KLF7: variants seen among roughly 807,000 people sequenced by gnomAD.
KLF7 encodes KLF transcription factor 7.
In KLF7, 2 loss-of-function variants were observed where a neutral mutation model predicts 27.3. The observed-to-expected ratio is 0.07, with a 90% CI of 0.03 to 0.23. The LOEUF is 0.23. KLF7 is among the 10% of genes least tolerant of loss of function. The pLI is 1.00. For synonymous variants in KLF7, 165 were observed against 162.4 expected, an observed-to-expected ratio of 1.02 and a Z score of -0.12; for missense variants, 221 against 394.1, an observed-to-expected ratio of 0.56 and a Z score of 3.72.
chr2:207,111,615 C>T (rs1380054374), intron 2 of KLF7, among the ~76,000 whole-genome samples: 2 of 152,180 alleles, frequency 1.3e-5, no homozygotes, highest in Admixed American at 6.5e-5. Context: ...GTTTTCAGGA[C>T]TGAGGAGAAC....
intron 2 of KLF7, among the ~76,000 whole-genome samples, chr2:207,113,734 T>C (rs2077102959): frequency 6.6e-6 from 1 of 151,978 alleles, no homozygotes; most frequent in Non-Finnish European, 1.5e-5. Context: ...TTAATGCTGA[T>C]GTGGTTTCCT....
At chr2:207,093,840 G>T (rs2076566710) in intron 2 of KLF7, among the ~76,000 whole-genome samples, 3 of 152,320 alleles carry the variant, frequency 2.0e-5, no homozygotes, top group African/African-American at 7.2e-5. Flanking sequence ...TTTACGAGGG[G>T]AAATGTTTGC....
chr2:207,108,005 A>G (rs1219204603), intron 2 of KLF7, among the ~76,000 whole-genome samples: 17 of 152,360 alleles, frequency 1.1e-4, no homozygotes. Flanking sequence ...AGATTTTTAA[A>G]AAAATGCTTA....
chr2:207,091,334 G>A (rs1316366810), intron 2 of KLF7, among the ~76,000 whole-genome samples: 1 of 152,274 alleles, frequency 6.6e-6, no homozygotes, highest in African/African-American at 2.4e-5. Context: ...TCCAACCCAG[G>A]AGCTATTTCA....
At chr2:207,102,700 T>A (rs949770916) in intron 2 of KLF7, among the ~76,000 whole-genome samples, 1 of 152,242 alleles carries the variant, frequency 6.6e-6, no homozygotes, top group Non-Finnish European at 1.5e-5. Flanking sequence ...TTAAAGGCTT[T>A]TTAAAAAGAA....
At chr2:207,098,778 ATTT>A (rs1182598901) in intron 2 of KLF7, among the ~76,000 whole-genome samples, 26 of 104,672 alleles carry the variant, frequency 2.5e-4, no homozygotes, top group African/African-American at 8.3e-4. Context: ...CACTTGGCTA[ATTT>A]TTTTTTTTTT....
chr2:207,093,750 C>CA (rs1390936221), intron 2 of KLF7, among the ~76,000 whole-genome samples: 2 of 152,200 alleles, frequency 1.3e-5, no homozygotes, highest in Non-Finnish European at 2.9e-5. Flanking sequence ...TCCTGATTTG[C>CA]AACAAAAACC....
At chr2:207,096,529 G>A (rs577693010) in intron 2 of KLF7, among the ~76,000 whole-genome samples, 1 of 152,336 alleles carries the variant, frequency 6.6e-6, no homozygotes, top group African/African-American at 2.4e-5. Context: ...ACCAGGTGCA[G>A]TGGGAAGAAA....
chr2:207,167,771 A>G (rs1328905151), upstream of KLF7, among the ~76,000 whole-genome samples: 1 of 152,226 alleles, frequency 6.6e-6, no homozygotes, highest in African/African-American at 2.4e-5. Context: ...ACTTGTATCT[A>G]CCCATCTCAG....
intron 1 of KLF7, among the ~76,000 whole-genome samples, chr2:207,137,544 T>C (rs573661900): frequency 1.3e-5 from 2 of 152,304 alleles, no homozygotes; most frequent in South Asian, 4.1e-4. Flanking sequence ...ATTTCACAGA[T>C]ACAGAACCCT....
At chr2:207,157,777 C>T (rs901342245) in intron 1 of KLF7, among the ~76,000 whole-genome samples, 13 of 152,104 alleles carry the variant, frequency 8.5e-5, no homozygotes, top group Non-Finnish European at 7.3e-5. Flanking sequence ...TTTAGACTTC[C>T]GCTAATTAGA....
intron 2 of KLF7, among the ~76,000 whole-genome samples, chr2:207,098,297 A>G (rs959769902): frequency 6.6e-6 from 1 of 152,198 alleles, no homozygotes; most frequent in Admixed American, 6.5e-5. Flanking sequence ...GTTACAATAA[A>G]GTTAAAAGCT....
rs1348320138 is a variant in KLF7 at position 207,131,832 on chromosome 2, A to G, written c.103-7428T>C. ...CAGGAGTTGGAGGAGGAGGAAAAAG[A>G]TGTACTATGCTTAATAAACTCAGGA... On this transcript the variant is annotated intron_variant, in intron 1 of 3. Coordinates refer to ENST00000309446, the MANE Select transcript of KLF7 (RefSeq NM_003709.4). Among the ~76,000 whole-genome samples, 11 of 152,294 alleles carry G rather than the reference A, an allele frequency of 7.2e-5. No individual in the cohort carries two copies. In the Middle Eastern group the frequency reaches 0.014, roughly 188 times the overall value.
At chr2:207,139,578 T>C (rs1162903131) in intron 1 of KLF7, among the ~76,000 whole-genome samples, 1 of 152,246 alleles carries the variant, frequency 6.6e-6, no homozygotes, top group African/African-American at 2.4e-5. Context: ...TCTTAGTACC[T>C]TGGAAAAACA....
chr2:207,087,809 G>C (rs973388969), intron 3 of KLF7, among the ~76,000 whole-genome samples: 8 of 152,066 alleles, frequency 5.3e-5, no homozygotes, highest in African/African-American at 1.9e-4. Flanking sequence ...CTATTACTTG[G>C]GTAGTATCTG....
At chr2:207,123,594 C>T (rs1407496788) in intron 2 of KLF7, among the ~76,000 whole-genome samples, 180 bp downstream of exon 2, 1 of 152,198 alleles carries the variant, frequency 6.6e-6, no homozygotes, top group African/African-American at 2.4e-5. Flanking sequence ...GTGCTTGGGA[C>T]ATCTTGAGAT....
intron 2 of KLF7, among the ~76,000 whole-genome samples, chr2:207,101,522 T>A (rs920376391): frequency 6.6e-6 from 1 of 152,082 alleles, no homozygotes; most frequent in Non-Finnish European, 1.5e-5. Context: ...GGCCCAGAGA[T>A]AAGAGACAGT....
At chr2:207,144,286 G>A (rs1301582643) in intron 1 of KLF7, among the ~76,000 whole-genome samples, 1 of 152,134 alleles carries the variant, frequency 6.6e-6, no homozygotes, top group Non-Finnish European at 1.5e-5. Context: ...CTAACCTAAG[G>A]CAGAAGTTTT....
rs2076180374 is a variant in KLF7 at position 207,076,606 on chromosome 2, A to G, written c.*4607T>C. On this transcript the variant is annotated 3_prime_UTR_variant, in exon 4 of 4. Coordinates refer to ENST00000309446, the MANE Select transcript of KLF7 (RefSeq NM_003709.4). ...GCAGTTCGTCGTGGGAGGTCACGTT[A>G]TTTACAAGAAGTTTCTGCTTCCTTT... 6.6e-6 allele frequency: 1 copy of G among 152,172 alleles called. No homozygotes were observed. The allele number at this position is 152,172 out of a possible 1,614,324, so 9.4% of individuals were successfully genotyped here. A position where few individuals can be genotyped will look rare whatever the true frequency, so the allele number is the denominator to read the frequency against.
Sources: gnomAD v4.1 joint callset for allele counts (sites outside exome capture counted in the v4.1 genomes callset) on GRCh38, gnomAD v4.1.1 for gene constraint, MANE v1.5 for transcripts, NCBI Gene and HGNC (gene_info 2026-07-23, HGNC 2026-07-21) for gene names.